TNS3: variants seen among roughly 807,000 people sequenced by gnomAD.
TNS3 encodes the protein tensin 3.
In TNS3, 45 loss-of-function variants were observed where a neutral mutation model predicts 140.9. That is an observed-to-expected ratio of 0.32 (90% CI 0.25 to 0.41). TNS3 has a LOEUF of 0.41. Ranked by LOEUF, TNS3 falls within the 10% of genes least tolerant of loss-of-function variation. The probability of loss-of-function intolerance (pLI) is 1.00; values close to 1 mark genes in which losing one functional copy is unlikely to be tolerated. For missense variants in TNS3, 1,716 were observed against 1,906.7 expected, an observed-to-expected ratio of 0.90 and a Z score of 1.86; for synonymous variants, 815 against 788.4, an observed-to-expected ratio of 1.03 and a Z score of -0.56.
intron 16 of TNS3, among the ~76,000 whole-genome samples, chr7:47,383,200 G>C (rs1003676725): frequency 6.6e-6 from 1 of 152,180 alleles, no homozygotes; most frequent in African/African-American, 2.4e-5. Flanking sequence ...GGCAGAGTGT[G>C]GTGTGTCCAC....
At chr7:47,525,476 G>C (rs1799158869) in intron 2 of TNS3, among the ~76,000 whole-genome samples, 2 of 152,192 alleles carry the variant, frequency 1.3e-5, no homozygotes, top group African/African-American at 4.8e-5. Context: ...TGTCCAGATA[G>C]GGCACTATTT....
chr7:47,330,164 G>A (rs1788255296), intron 20 of TNS3, among the ~76,000 whole-genome samples: 1 of 152,052 alleles, frequency 6.6e-6, no homozygotes, highest in Non-Finnish European at 1.5e-5. Flanking sequence ...GACAGGACCT[G>A]GACTGTCCAC....
intron 3 of TNS3, among the ~76,000 whole-genome samples, chr7:47,501,991 T>C (rs1360248987): frequency 6.6e-6 from 1 of 152,046 alleles, no homozygotes; most frequent in African/African-American, 2.4e-5. Context: ...ACAAGAGGCA[T>C]AGTAGGTTCT....
intron 17 of TNS3, among the ~76,000 whole-genome samples, chr7:47,348,086 T>C (rs987748264): frequency 1.3e-5 from 2 of 152,204 alleles, no homozygotes; most frequent in Non-Finnish European, 2.9e-5. Flanking sequence ...AACACACACA[T>C]GCATTTGCAG....
intron 4 of TNS3, among the ~76,000 whole-genome samples, chr7:47,457,286 C>T (rs1247598316): frequency 6.6e-6 from 1 of 151,994 alleles, no homozygotes; most frequent in African/African-American, 2.4e-5. Flanking sequence ...GGTAATTCCA[C>T]TGAAGATGGA....
At chr7:47,550,064 C>T (rs762617898) in intron 1 of TNS3, among the ~76,000 whole-genome samples, 3 of 144,834 alleles carry the variant, frequency 2.1e-5, no homozygotes, top group Admixed American at 6.8e-5. Flanking sequence ...TCCCCAAATG[C>T]AACACTGAGG....
intron 1 of TNS3, among the ~76,000 whole-genome samples, chr7:47,573,967 T>C (rs1426208521): frequency 6.6e-6 from 1 of 152,124 alleles, no homozygotes; most frequent in Non-Finnish European, 1.5e-5. Context: ...GGGGAGGGCA[T>C]TATGGCTGCA....
intron 16 of TNS3, among the ~76,000 whole-genome samples, chr7:47,372,622 C>A (rs1791140573): frequency 6.6e-6 from 1 of 152,108 alleles, no homozygotes; most frequent in Non-Finnish European, 1.5e-5. Context: ...TTAAAAACAA[C>A]AACTTTTCCA....
intron 5 of TNS3, among the ~76,000 whole-genome samples, chr7:47,441,775 A>C (rs78428299): frequency 0.024 from 3,669 of 152,358 alleles, 68 homozygotes; most frequent in Non-Finnish European, 0.035. Context: ...GCAATTATTT[A>C]TTCAAAGACA....
intron 3 of TNS3, among the ~76,000 whole-genome samples, chr7:47,500,671 C>A (rs1036622358): frequency 6.6e-6 from 1 of 152,174 alleles, no homozygotes; most frequent in African/African-American, 2.4e-5. Flanking sequence ...AGGGAGTAAC[C>A]ATCTTCCTGA....
At chr7:47,336,189 TA>T (rs10551215) in intron 20 of TNS3, among the ~76,000 whole-genome samples, 2,307 of 133,000 alleles carry the variant, frequency 0.017, 17 homozygotes, top group Middle Eastern at 0.036. Flanking sequence ...CAAGCAGAGT[TA>T]AAAAAAAAAA....
At chr7:47,355,650 C>T (rs1789951760) in intron 17 of TNS3, among the ~76,000 whole-genome samples, 2 of 152,174 alleles carry the variant, frequency 1.3e-5, no homozygotes, top group Admixed American at 6.5e-5. Flanking sequence ...GTTTAAAACA[C>T]CCACAAAGCT....
chr7:47,523,010 GCTA>G (rs978572616), intron 2 of TNS3, among the ~76,000 whole-genome samples: 4 of 152,016 alleles, frequency 2.6e-5, no homozygotes, highest in Non-Finnish European at 5.9e-5. Flanking sequence ...TCCAGTTTGG[GCTA>G]CTGTTTAAAA....
intron 1 of TNS3, among the ~76,000 whole-genome samples, chr7:47,547,630 G>A (rs772406190): frequency 6.6e-6 from 1 of 152,016 alleles, no homozygotes; most frequent in Non-Finnish European, 1.5e-5. Context: ...GAAGATGAAG[G>A]TCTGAGGGAC....
At chr7:47,525,982 C>T (rs1361423796) in intron 2 of TNS3, among the ~76,000 whole-genome samples, 1 of 152,192 alleles carries the variant, frequency 6.6e-6, no homozygotes, top group Non-Finnish European at 1.5e-5. Context: ...AGACACAAGT[C>T]CCAACCCAGG....
At chr7:47,413,414 C>T (rs778886596) in intron 12 of TNS3, among the ~76,000 whole-genome samples, 6 of 151,568 alleles carry the variant, frequency 4.0e-5, no homozygotes, top group Non-Finnish European at 8.8e-5. Context: ...CCAAGACTGG[C>T]TAATTTTTGT....
intron 1 of TNS3, among the ~76,000 whole-genome samples, chr7:47,560,404 C>A (rs1800298466): frequency 6.6e-6 from 1 of 152,164 alleles, no homozygotes; most frequent in African/African-American, 2.4e-5. Context: ...ATCAATTGCC[C>A]AATCTAAGGT....
At chr7:47,562,749 T>A (rs1800342854) in intron 1 of TNS3, among the ~76,000 whole-genome samples, 1 of 152,200 alleles carries the variant, frequency 6.6e-6, no homozygotes, top group Non-Finnish European at 1.5e-5. Context: ...TTATGGGACA[T>A]CCTTGGAGAT....
chr7:47,402,748 C>T lies in TNS3; in HGVS notation c.724-1834G>A, dbSNP rs76243132. Among the ~76,000 whole-genome samples the T allele has an allele frequency of 7.2e-3, 1,097 of 152,290 alleles. 15 individuals are homozygous for T. Among genetic ancestry groups the T allele is most frequent in the African/African-American group, 0.025 (1,051 of 41,556 alleles). ...GTCTGCCTTCAAATGTGCCTGTCTG[C>T]CTCCACTAGTGCCTTGCAAATGGGG... On this transcript the variant is annotated intron_variant, in intron 13 of 30. Transcript: ENST00000311160.
Sources: allele counts gnomAD v4.1 joint callset (sites outside exome capture counted in the v4.1 genomes callset), GRCh38; gene constraint gnomAD v4.1.1; transcripts MANE v1.5; gene names NCBI Gene and HGNC (gene_info 2026-07-23, HGNC 2026-07-21).